The following ZYG11A variants were observed in gnomAD, a reference collection of about 807,000 sequenced individuals.
ZYG11A encodes the protein protein zyg-11 homolog A.
Under a neutral mutation model 77.2 loss-of-function variants are expected in ZYG11A, and 62 were observed. The ratio of observed to expected loss-of-function variants is 0.80; its 90% CI spans 0.65 to 0.99. The LOEUF is 0.99. Among genes scored for constraint, ZYG11A ranks in the 50% least tolerant of loss-of-function variants. The probability of loss-of-function intolerance (pLI) is 0.00; values close to 1 mark genes in which losing one functional copy is unlikely to be tolerated. For synonymous variants in ZYG11A, 315 were observed against 324.6 expected (o/e 0.97, Z 0.32); for missense variants, 828 against 896.8 (o/e 0.92, Z 0.98).
At chr1:52,873,224 A>G (rs1646201765) in intron 8 of ZYG11A, among the ~76,000 whole-genome samples, 1 of 152,206 alleles carries the variant, frequency 6.6e-6, no homozygotes, top group Non-Finnish European at 1.5e-5. Flanking sequence ...AGATGGGAAG[A>G]TCACCGGAAC....
intron 5 of ZYG11A, among the ~76,000 whole-genome samples, chr1:52,865,025 G>A (rs1218038337): frequency 2.0e-5 from 3 of 151,558 alleles, no homozygotes; most frequent in South Asian, 2.1e-4. Flanking sequence ...GCAGTAGCAC[G>A]ATCTTGGCTC....
At chr1:52,870,417 T>TGGGCGGCCAG (rs1344627485) in intron 8 of ZYG11A, among the ~76,000 whole-genome samples, 3 of 140,192 alleles carry the variant, frequency 2.1e-5, no homozygotes, top group African/African-American at 8.0e-5. Flanking sequence ...TCCCAGACGA[T>TGGGCGGCCAG]GGGCGGCCAG....
chr1:52,865,934 T>G (rs1646017124), intron 5 of ZYG11A, among the ~76,000 whole-genome samples: 1 of 35,014 alleles, frequency 2.9e-5, no homozygotes, highest in Non-Finnish European at 8.5e-5. Context: ...GTAAAGGGAG[T>G]TTTTTTTTTT....
intron 1 of ZYG11A, among the ~76,000 whole-genome samples, chr1:52,844,371 AT>A (rs796793249): frequency 6.6e-6 from 1 of 152,208 alleles, no homozygotes; most frequent in Non-Finnish European, 1.5e-5. Flanking sequence ...GAAAACTTGG[AT>A]TTTTTACGTG....
chr1:52,844,482 T>C (rs975995850), intron 1 of ZYG11A, among the ~76,000 whole-genome samples: 9 of 152,208 alleles, frequency 5.9e-5, no homozygotes, highest in Admixed American at 2.6e-4. Flanking sequence ...TAGTTCTGGG[T>C]ATATCTCATT....
chr1:52,862,579 T>C (rs746566265), intron 4 of ZYG11A, among the ~76,000 whole-genome samples: 1 of 152,044 alleles, frequency 6.6e-6, no homozygotes, highest in Non-Finnish European at 1.5e-5. Flanking sequence ...CCCAAAGTGC[T>C]GGGATTACAG....
chr1:52,857,740 A>G lies in ZYG11A; in HGVS notation c.999A>G (p.Gln333=), dbSNP rs980200069. 1.7e-5 allele frequency: 26 copies of G among 1,546,674 alleles called. No individual in the cohort carries two copies. The Admixed American group carries it at 4.0e-4, about 24-fold the overall frequency. The change falls in exon 3 of 14, where the codon CAA becomes CAG. Residue 333 remains glutamine, a synonymous_variant. Coordinates refer to ENST00000371528, the MANE Select transcript of ZYG11A (RefSeq NM_001004339.3). ...CTTCTGACTTCTTTACTACAAAGCAAGGCTTGAGGGTTTGTTCTTATCTGA... is the reference window on the plus strand; with the variant it reads ...CTTCTGACTTCTTTACTACAAAGCAGGGCTTGAGGGTTTGTTCTTATCTGA... The part of the protein sequence containing the change: ...AGSSDFFTTK[Q]GLRVAGGASM...
intron 8 of ZYG11A, among the ~76,000 whole-genome samples, chr1:52,869,733 A>G (rs1249298739): frequency 4.0e-5 from 6 of 151,872 alleles, no homozygotes; most frequent in Non-Finnish European, 8.8e-5. Context: ...CATTGTCATC[A>G]TGGCCCGTTC....
At chr1:52,884,617 G>A (rs371481598) in intron 11 of ZYG11A, among the ~76,000 whole-genome samples, 15 of 152,206 alleles carry the variant, frequency 9.9e-5, no homozygotes, top group East Asian at 9.7e-4. Flanking sequence ...TCGTGCCATC[G>A]CACTCCAGCC....
intron 1 of ZYG11A, among the ~76,000 whole-genome samples, chr1:52,843,688 C>CTTTTTTTT (rs71044427): frequency 2.3e-5 from 3 of 130,516 alleles, no homozygotes; most frequent in African/African-American, 5.9e-5. Flanking sequence ...TTCTTTCTTT[C>CTTTTTTTT]TTTTTTTTTT....
chr1:52,845,722 C>T (rs973168373), intron 1 of ZYG11A, among the ~76,000 whole-genome samples: 1 of 149,924 alleles, frequency 6.7e-6, no homozygotes. Flanking sequence ...TTGATTTTTG[C>T]AGGGAGGAGA....
chr1:52,862,468 C>T (rs905198692), intron 4 of ZYG11A, among the ~76,000 whole-genome samples: 7 of 151,438 alleles, frequency 4.6e-5, no homozygotes, highest in East Asian at 2.0e-4. Context: ...CCCGTCACCA[C>T]GCCCAGCTAC....
chr1:52,846,315 T>C (rs1406126731), intron 1 of ZYG11A, among the ~76,000 whole-genome samples: 3 of 2,262 alleles, frequency 1.3e-3, no homozygotes, highest in Admixed American at 2.8e-3. Context: ...AATTTTTATA[T>C]ATATATATAT....
chr1:52,886,918 GTTCTGGA>G, intron 12 of ZYG11A, 31 bp from the exon 13 acceptor site: 1 of 1,091,048 alleles, frequency 9.2e-7, no homozygotes, highest in Non-Finnish European at 1.4e-6. Context: ...TGGCCTAACT[GTTCTGGA>G]TTAACATCTT....
rs189242557 is a variant in ZYG11A at position 52,868,110 on chromosome 1, C to T, written c.1542+333C>T. Among the ~76,000 whole-genome samples the T allele has an allele frequency of 4.7e-3, 710 of 151,476 alleles. 7 individuals are homozygous for T. Among genetic ancestry groups the T allele is most frequent in the African/African-American group, 0.017 (684 of 41,288 alleles). On this transcript the variant is annotated intron_variant, in intron 8 of 13. Coordinates refer to ENST00000371528, the MANE Select transcript of ZYG11A (RefSeq NM_001004339.3). ...CCTTCTGAGTAGCTGGGATTATAGGCGGGTGTCACCACACCTGGCTAATTT... is the reference window on the plus strand; with the variant it reads ...CCTTCTGAGTAGCTGGGATTATAGGTGGGTGTCACCACACCTGGCTAATTT...
chr1:52,857,945 G>C (rs888455935), intron 3 of ZYG11A, among the ~76,000 whole-genome samples, 196 bp downstream of exon 3: 1 of 151,898 alleles, frequency 6.6e-6, no homozygotes, highest in African/African-American at 2.4e-5. Flanking sequence ...TATTTTTTGA[G>C]ATGGAGTAGT....
intron 4 of ZYG11A, among the ~76,000 whole-genome samples, chr1:52,862,314 GT>G (rs1277355334): frequency 8.5e-4 from 117 of 138,230 alleles, no homozygotes; most frequent in Non-Finnish European, 9.3e-4. Context: ...TTTTTTTTTG[GT>G]TTTTTTTTTT....
intron 11 of ZYG11A, among the ~76,000 whole-genome samples, chr1:52,882,067 G>A (rs935066357): frequency 5.9e-5 from 9 of 151,944 alleles, no homozygotes; most frequent in African/African-American, 1.9e-4. Flanking sequence ...GCTAATTTTT[G>A]TATTTTTTGT....
rs759833599 is a variant in ZYG11A, at chr1:52,864,102, C to T, written c.1271C>T (p.Ser424Leu). The change falls in exon 5 of 14, where the codon TCA (serine) becomes TTA (leucine). Residue 424 changes from serine to leucine, a missense_variant. Physicochemically the swap from Ser to Leu is moderately radical, Grantham distance 145. Transcript: ENST00000371528. ...LAKGMPVRLL[S>L]EVTCLLFKAL... Reference sequence around the variant, plus strand: ...AAGGGGATGCCTGTTCGCCTGTTGTCAGAGGTCACCTGTCTACTTTTCAAG... The same window carrying T: ...AAGGGGATGCCTGTTCGCCTGTTGTTAGAGGTCACCTGTCTACTTTTCAAG... 5.2e-5 allele frequency: 81 copies of T among 1,551,846 alleles called. 1 individual carries two copies. The South Asian group carries it at 9.5e-4, about 18-fold the overall frequency.
Sources: allele counts gnomAD v4.1 joint callset (sites outside exome capture counted in the v4.1 genomes callset), GRCh38; gene constraint gnomAD v4.1.1; transcripts MANE v1.5; gene names NCBI Gene and HGNC (gene_info 2026-07-23, HGNC 2026-07-21).